Variants in GPHN observed in about 807,000 individuals in gnomAD.
GPHN encodes gephyrin.
GPHN carries 17 observed loss-of-function variants against 95.5 expected under a neutral mutation model. The ratio of observed to expected loss-of-function variants is 0.18; its 90% confidence interval spans 0.12 to 0.27. The LOEUF (loss-of-function observed/expected upper bound fraction) is 0.27. GPHN is among the 10% of genes least tolerant of loss of function. GPHN has a pLI of 1.00. For missense variants in GPHN, 660 were observed against 978.1 expected, an observed-to-expected ratio of 0.67 and a Z score of 4.34; for synonymous variants, 320 against 322.5, an observed-to-expected ratio of 0.99 and a Z score of 0.08.
chr14:67,345,624 C>G, the GPHN span: 12 of 557,154 alleles, frequency 2.2e-5, no homozygotes, highest in Admixed American at 3.4e-5. Flanking sequence ...CTTCAGAAAT[C>G]AAAATATTAT....
intron 1 of GPHN, among the ~76,000 whole-genome samples, chr14:66,545,294 G>GC (rs557550400): frequency 0.037 from 4,136 of 111,784 alleles, 723 homozygotes; most frequent in East Asian, 0.21. Flanking sequence ...GGGCAGAGGC[G>GC]CCCCCCACCT....
chr14:66,630,819 A>G (rs2063767785), intron 1 of GPHN, among the ~76,000 whole-genome samples: 1 of 152,108 alleles, frequency 6.6e-6, no homozygotes, highest in Non-Finnish European at 1.5e-5. Context: ...TTGTCATGCC[A>G]GTTAATTACA....
chr14:67,666,754 T>C, the GPHN span, among the ~76,000 whole-genome samples: 1 of 152,112 alleles, frequency 6.6e-6, no homozygotes, highest in South Asian at 2.1e-4. Context: ...CCCACAGTCA[T>C]TGGAACAGCA....
At chr14:66,848,187 G>A (rs1408286838) in intron 4 of GPHN, among the ~76,000 whole-genome samples, 1 of 151,866 alleles carries the variant, frequency 6.6e-6, no homozygotes, top group Non-Finnish European at 1.5e-5. Flanking sequence ...ACTTATATCA[G>A]CAACATAAAA....
At chr14:67,332,335 GC>G in the GPHN span, among the ~76,000 whole-genome samples, 2 of 152,184 alleles carry the variant, frequency 1.3e-5, no homozygotes, top group Non-Finnish European at 2.9e-5. Flanking sequence ...ATAGTATAGG[GC>G]AAGGGCTCTT....
chr14:67,651,139 A>G, the GPHN span: 1 of 912,126 alleles, frequency 1.1e-6, no homozygotes, highest in East Asian at 2.7e-5. Context: ...ATGCTACAGT[A>G]CTATGTAAAT....
chr14:67,222,298 G>GT, the GPHN span, among the ~76,000 whole-genome samples: 2 of 152,078 alleles, frequency 1.3e-5, no homozygotes, highest in African/African-American at 2.4e-5. Context: ...TTGTTTGTTT[G>GT]TTGTTGTTTT....
At chr14:67,354,962 C>A in the GPHN span, among the ~76,000 whole-genome samples, 6 of 152,058 alleles carry the variant, frequency 3.9e-5, no homozygotes, top group Admixed American at 6.5e-5. Context: ...TACAGGCATG[C>A]GTCACCATGC....
intron 10 of GPHN, among the ~76,000 whole-genome samples, chr14:67,050,392 A>G (rs2075253177): frequency 1.3e-5 from 2 of 152,204 alleles, no homozygotes; most frequent in Admixed American, 6.5e-5. Context: ...TTCATTAAAT[A>G]CCCCAAGTAT....
chr14:67,504,846 A>T, the GPHN span, among the ~76,000 whole-genome samples: 1 of 152,300 alleles, frequency 6.6e-6, no homozygotes, highest in African/African-American at 2.4e-5. Flanking sequence ...AGATCTCACC[A>T]TTGCACTCCA....
chr14:67,440,059 C>T, the GPHN span, among the ~76,000 whole-genome samples: 1 of 152,254 alleles, frequency 6.6e-6, no homozygotes, highest in Admixed American at 6.5e-5. Context: ...TGGTCTTGAA[C>T]TCCTGGCCTC....
intron 2 of GPHN, among the ~76,000 whole-genome samples, chr14:66,701,096 G>A (rs2068508959): frequency 6.6e-6 from 1 of 152,118 alleles, no homozygotes; most frequent in African/African-American, 2.4e-5. Context: ...GAGGTTATCT[G>A]TGCATGCGCA....
chr14:67,397,909 G>T, the GPHN span: 1 of 1,117,566 alleles, frequency 8.9e-7, no homozygotes, highest in Non-Finnish European at 1.3e-6. Flanking sequence ...GGTGGCACAA[G>T]TAACCAGACT....
At chr14:66,617,858 A>G (rs2063116446) in intron 1 of GPHN, among the ~76,000 whole-genome samples, 1 of 152,136 alleles carries the variant, frequency 6.6e-6, no homozygotes, top group African/African-American at 2.4e-5. Context: ...CATTTCAATC[A>G]CTTAGCTGAG....
chr14:66,545,585 C>T (rs1220194186), intron 1 of GPHN, among the ~76,000 whole-genome samples: 6 of 123,054 alleles, frequency 4.9e-5, no homozygotes, highest in Admixed American at 1.5e-4. Flanking sequence ...CCCTCCCGGA[C>T]GGGGCGGCTG....
intron 4 of GPHN, among the ~76,000 whole-genome samples, chr14:66,849,401 C>T (rs910256700): frequency 1.3e-5 from 2 of 151,894 alleles, no homozygotes; most frequent in African/African-American, 4.8e-5. Flanking sequence ...AGAAATATTT[C>T]CTAAAATACA....
chr14:67,024,596 C>T (rs571463455), intron 10 of GPHN, among the ~76,000 whole-genome samples: 4 of 152,202 alleles, frequency 2.6e-5, no homozygotes, highest in South Asian at 2.1e-4. Context: ...TTAACATCAG[C>T]AAAGGCAAAA....
At chr14:67,357,169 T>A in the GPHN span, among the ~76,000 whole-genome samples, 1 of 152,234 alleles carries the variant, frequency 6.6e-6, no homozygotes, top group Non-Finnish European at 1.5e-5. Context: ...CAATTGTTTT[T>A]GCTTTCTCTG....
intron 1 of GPHN, among the ~76,000 whole-genome samples, chr14:66,536,490 T>G (rs991390325): frequency 1.3e-5 from 2 of 152,224 alleles, no homozygotes; most frequent in African/African-American, 4.8e-5. Context: ...TTACATCTAT[T>G]CATGAAAGAT....
Sources: allele counts gnomAD v4.1 joint callset (sites outside exome capture counted in the v4.1 genomes callset), GRCh38; gene constraint gnomAD v4.1.1; transcripts MANE v1.5; gene names NCBI Gene and HGNC (gene_info 2026-07-23, HGNC 2026-07-21).